The following SWT1 variants were observed in gnomAD, a reference collection of about 807,000 sequenced individuals.
SWT1 encodes SWT1 RNA endoribonuclease homolog, also known as transcriptional protein SWT1.
A neutral mutation model predicts 107.3 loss-of-function variants in SWT1; 33 were observed. The observed-to-expected ratio is 0.31, with a 90% CI of 0.23 to 0.41. The LOEUF (loss-of-function observed/expected upper bound fraction) is 0.41, where lower values mean the gene tolerates loss of function less well. Ranked by LOEUF, SWT1 falls within the 10% of genes least tolerant of loss-of-function variation. The pLI is 1.00. For synonymous variants in SWT1, 345 were observed against 348.3 expected, an observed-to-expected ratio of 0.99 and a Z score of 0.11; for missense variants, 898 against 1,028.9, an observed-to-expected ratio of 0.87 and a Z score of 1.74.
At position 185,167,397 on chromosome 1, in the gene SWT1, G is replaced by C. The variant is rs576330399; in HGVS notation, c.165+745G>C. Among the ~76,000 whole-genome samples the C allele has an allele frequency of 1.1e-3, 175 of 152,310 alleles. 1 individual carries two copies. Among genetic ancestry groups the C allele is most frequent in the Non-Finnish European group, 2.3e-3 (154 of 68,040 alleles). On this transcript the variant is annotated intron_variant, in intron 3 of 18. Coordinates refer to ENST00000367500, the MANE Select transcript of SWT1 (RefSeq NM_017673.7). Reference sequence around the variant, plus strand: ...CCATAGGTTAGTGGTAATGTACTTAGAACATTCAGGTTGAAGTTATGTACA... The same window carrying C: ...CCATAGGTTAGTGGTAATGTACTTACAACATTCAGGTTGAAGTTATGTACA...
chr1:185,175,095 T>C lies in SWT1; in HGVS notation c.948T>C (p.Ser316=). 2 of 1,557,254 alleles carry C rather than the reference T, an allele frequency of 1.3e-6. No individual in the cohort carries two copies. The highest frequency in any genetic ancestry group is 1.7e-4 in the Middle Eastern group (1 of 5,772). ...ATCAAGAAAGTAATGATTCACATTC[T>C]AGGGAAAACCTAACCCAGGTAAGGT... ...YDHQESNDSH[S]RENLTQSFEA... The change falls in exon 5 of 19, where the codon TCT becomes TCC. Residue 316 remains serine, a synonymous_variant. Transcript: ENST00000367500.
chr1:185,196,814 G>GTGAT (rs1358318427), intron 10 of SWT1, among the ~76,000 whole-genome samples: 1 of 152,164 alleles, frequency 6.6e-6, no homozygotes, highest in Non-Finnish European at 1.5e-5. Flanking sequence ...AGGAATGCTT[G>GTGAT]TGATTTTTGC....
chr1:185,252,015 A>G (rs912117106), intron 16 of SWT1, among the ~76,000 whole-genome samples: 92 of 151,776 alleles, frequency 6.1e-4, no homozygotes, highest in African/African-American at 2.1e-3. Context: ...TCATTGTTCA[A>G]TTCCCACCTA....
At chr1:185,185,559 C>G (rs1438182402) in intron 9 of SWT1, among the ~76,000 whole-genome samples, 1 of 151,958 alleles carries the variant, frequency 6.6e-6, no homozygotes, top group African/African-American at 2.4e-5. Flanking sequence ...TTATTTCATT[C>G]TTTCAGAATT....
chr1:185,204,475 TAAA>T (rs541979388), intron 11 of SWT1, among the ~76,000 whole-genome samples: 94 of 152,252 alleles, frequency 6.2e-4, no homozygotes, highest in African/African-American at 2.2e-3. Flanking sequence ...AATTGCCTGT[TAAA>T]AAGATAAAAC....
intron 4 of SWT1, among the ~76,000 whole-genome samples, chr1:185,168,686 T>G (rs1654797607): frequency 6.6e-6 from 1 of 152,242 alleles, no homozygotes; most frequent in South Asian, 2.1e-4. Flanking sequence ...GTAACTTCAT[T>G]ACATACACTA....
chr1:185,242,212 C>G (rs1661297966), intron 16 of SWT1, among the ~76,000 whole-genome samples: 1 of 152,040 alleles, frequency 6.6e-6, no homozygotes, highest in South Asian at 2.1e-4. Context: ...GTTTGACAAG[C>G]ACAGTTAATG....
chr1:185,180,184 T>C (rs527506527), intron 5 of SWT1, among the ~76,000 whole-genome samples: 1 of 151,312 alleles, frequency 6.6e-6, no homozygotes, highest in East Asian at 1.9e-4. Context: ...ACCCTGTCTT[T>C]AAAAAAAAAG....
intron 16 of SWT1, among the ~76,000 whole-genome samples, chr1:185,237,370 C>G (rs1039019448): frequency 6.6e-6 from 1 of 152,102 alleles, no homozygotes; most frequent in Non-Finnish European, 1.5e-5. Flanking sequence ...ACTATACAGC[C>G]ATAAAAAAGG....
intron 16 of SWT1, among the ~76,000 whole-genome samples, chr1:185,236,536 A>T (rs1196501887): frequency 1.3e-5 from 2 of 152,222 alleles, no homozygotes; most frequent in Non-Finnish European, 2.9e-5. Context: ...CTGAAACTGG[A>T]TTCCTTCCTT....
chr1:185,222,694 G>A (rs903590533), intron 15 of SWT1, among the ~76,000 whole-genome samples: 7 of 150,230 alleles, frequency 4.7e-5, no homozygotes, highest in African/African-American at 1.7e-4. Flanking sequence ...GAATCTGGAA[G>A]GTGGAGGTTG....
At chr1:185,282,794 G>T (rs1043156225) in intron 18 of SWT1, among the ~76,000 whole-genome samples, 1 of 152,054 alleles carries the variant, frequency 6.6e-6, no homozygotes, top group South Asian at 2.1e-4. Flanking sequence ...GGAGAATTGC[G>T]TGCTGTGTGG....
At chr1:185,243,042 C>CA (rs1661352922) in intron 16 of SWT1, among the ~76,000 whole-genome samples, 1 of 152,144 alleles carries the variant, frequency 6.6e-6, no homozygotes, top group Non-Finnish European at 1.5e-5. Flanking sequence ...TTCATTCTTA[C>CA]AAAGCAGTTA....
intron 13 of SWT1, among the ~76,000 whole-genome samples, chr1:185,210,754 A>G (rs941992699): frequency 2.6e-5 from 4 of 152,150 alleles, no homozygotes; most frequent in Non-Finnish European, 5.9e-5. Flanking sequence ...GGGAAGTCAA[A>G]TTGTCTCTGT....
At chr1:185,289,963 T>G (rs1212966616) in intron 18 of SWT1, among the ~76,000 whole-genome samples, 2 of 151,984 alleles carry the variant, frequency 1.3e-5, no homozygotes, top group Non-Finnish European at 2.9e-5. Context: ...ATTTTGAAAA[T>G]CACTAAGAAA....
intron 18 of SWT1, among the ~76,000 whole-genome samples, chr1:185,285,177 A>G (rs1664875875): frequency 6.6e-6 from 1 of 152,084 alleles, no homozygotes; most frequent in Admixed American, 6.6e-5. Context: ...CCCTGGGTTC[A>G]TGAAGATGCA....
chr1:185,258,866 C>G (rs1288875546), intron 16 of SWT1, among the ~76,000 whole-genome samples: 4 of 152,026 alleles, frequency 2.6e-5, no homozygotes, highest in Non-Finnish European at 2.9e-5. Context: ...TCTGGAAATT[C>G]TCACTCCTCA....
chr1:185,272,095 C>A (rs1424995181), intron 17 of SWT1, among the ~76,000 whole-genome samples: 1 of 152,290 alleles, frequency 6.6e-6, no homozygotes, highest in East Asian at 1.9e-4. Flanking sequence ...ATCCAACTTA[C>A]ATACCCAGAA....
At chr1:185,158,181 G>A (rs1653798559) in intron 1 of SWT1, among the ~76,000 whole-genome samples, 1 of 152,146 alleles carries the variant, frequency 6.6e-6, no homozygotes, top group South Asian at 2.1e-4. Flanking sequence ...GAACCCCGGG[G>A]AAGAGATAGC....
Sources: allele counts gnomAD v4.1 joint callset (sites outside exome capture counted in the v4.1 genomes callset), GRCh38; gene constraint gnomAD v4.1.1; transcripts MANE v1.5; gene names NCBI Gene and HGNC (gene_info 2026-07-23, HGNC 2026-07-21).